Variants in NT5C2 observed in about 807,000 individuals in gnomAD.
The protein encoded by NT5C2 is 5'-nucleotidase, cytosolic II, also known as cytosolic purine 5'-nucleotidase.
Under a neutral mutation model 76.1 loss-of-function variants are expected in NT5C2, and 58 were observed. The ratio of observed to expected loss-of-function variants is 0.76; its 90% CI spans 0.62 to 0.95. The LOEUF is 0.95. Among genes scored for constraint, NT5C2 ranks in the 40% least tolerant of loss-of-function variants. The pLI is 0.00. For synonymous variants in NT5C2, 229 were observed against 237.4 expected, an observed-to-expected ratio of 0.96 and a Z score of 0.32; for missense variants, 478 against 690.3, an observed-to-expected ratio of 0.69 and a Z score of 3.45.
In NT5C2 at chr10:103,095,289, T is replaced by C. The variant is rs17115452; in HGVS notation, c.813+650A>G. 4.2e-3 allele frequency among the ~76,000 whole-genome samples: 633 copies of C among 152,310 alleles called. 20 individuals are homozygous for C. In the East Asian group the frequency reaches 0.075, roughly 18 times the overall value. On this transcript the variant is annotated intron_variant, in intron 12 of 18. Coordinates refer to ENST00000404739, the MANE Select transcript of NT5C2 (RefSeq NM_001351169.2). ...CATTAAAATCATGACTATCCTGAAA[T>C]GGAACCCTGGCATTAACCTTTTAAG...
intron 3 of NT5C2, among the ~76,000 whole-genome samples, chr10:103,160,992 C>G (rs936601819): frequency 6.6e-6 from 1 of 151,802 alleles, no homozygotes; most frequent in Non-Finnish European, 1.5e-5. Context: ...AGCCTGGCGA[C>G]AGCAAGACTC....
intron 4 of NT5C2, among the ~76,000 whole-genome samples, chr10:103,108,109 C>T (rs2071867798): frequency 6.6e-6 from 1 of 151,936 alleles, no homozygotes; most frequent in African/African-American, 2.4e-5. Context: ...GAGCCGAGAC[C>T]GTGCCACTAC....
intron 3 of NT5C2, among the ~76,000 whole-genome samples, chr10:103,162,082 C>T (rs1482132270): frequency 1.3e-5 from 2 of 152,154 alleles, no homozygotes; most frequent in African/African-American, 4.8e-5. Flanking sequence ...GTGGTGCAAT[C>T]TTGGCTCACT....
At chr10:103,094,555 A>G in intron 12 of NT5C2, 100 bp from the exon 13 acceptor site, 1 of 697,998 alleles carries the variant, frequency 1.4e-6, no homozygotes, top group South Asian at 1.6e-5. Context: ...AATACTAAGT[A>G]TAGCCAGAAG....
intron 3 of NT5C2, among the ~76,000 whole-genome samples, chr10:103,153,989 T>C (rs1230359212): frequency 6.6e-6 from 1 of 152,114 alleles, no homozygotes; most frequent in Non-Finnish European, 1.5e-5. Context: ...TTTCAGCTCA[T>C]GTGAAAAGAT....
At chr10:103,178,946 C>CTTTTTTTT (rs371982966) in intron 2 of NT5C2, among the ~76,000 whole-genome samples, 6 of 136,184 alleles carry the variant, frequency 4.4e-5, no homozygotes, top group African/African-American at 1.1e-4. Context: ...TTTCTTTTTT[C>CTTTTTTTT]TTTTTTTCTT....
At chr10:103,091,932 G>A (rs1391743093) in intron 15 of NT5C2, among the ~76,000 whole-genome samples, 1 of 152,170 alleles carries the variant, frequency 6.6e-6, no homozygotes, top group Non-Finnish European at 1.5e-5. Flanking sequence ...GCTGTCTCAG[G>A]TGCAGTCAGC....
At chr10:103,131,323 G>A (rs559402897) in intron 4 of NT5C2, among the ~76,000 whole-genome samples, 1 of 152,300 alleles carries the variant, frequency 6.6e-6, no homozygotes, top group South Asian at 2.1e-4. Context: ...ATGCTAGACA[G>A]ATAGTTTTAT....
At chr10:103,107,942 G>A (rs1451194785) in intron 4 of NT5C2, among the ~76,000 whole-genome samples, 2 of 152,072 alleles carry the variant, frequency 1.3e-5, no homozygotes, top group Non-Finnish European at 2.9e-5. Flanking sequence ...ATCACTTGAG[G>A]TCAGGAGTTC....
At chr10:103,104,547 C>T (rs932161243) in intron 6 of NT5C2, among the ~76,000 whole-genome samples, 10 of 152,196 alleles carry the variant, frequency 6.6e-5, no homozygotes, top group African/African-American at 2.4e-4. Flanking sequence ...TTTCATGGAT[C>T]CTGAACAAAC....
chr10:103,107,541 G>A (rs1367449672), intron 4 of NT5C2, among the ~76,000 whole-genome samples: 1 of 151,956 alleles, frequency 6.6e-6, no homozygotes, highest in Non-Finnish European at 1.5e-5. Context: ...GCCGGGTGTG[G>A]TGGCGCATGC....
At chr10:103,158,185 C>T (rs146892326) in intron 3 of NT5C2, among the ~76,000 whole-genome samples, 6 of 151,458 alleles carry the variant, frequency 4.0e-5, no homozygotes, top group Admixed American at 1.3e-4. Flanking sequence ...TACAATTTAA[C>T]GAAAAAAAGG....
intron 4 of NT5C2, among the ~76,000 whole-genome samples, chr10:103,124,280 A>G (rs2076266667): frequency 6.6e-6 from 1 of 152,064 alleles, no homozygotes; most frequent in African/African-American, 2.4e-5. Flanking sequence ...ACTGGTAAAC[A>G]TGCTCATGGA....
intron 1 of NT5C2, among the ~76,000 whole-genome samples, chr10:103,188,672 G>C (rs1215786172): frequency 6.6e-6 from 1 of 152,158 alleles, no homozygotes; most frequent in Non-Finnish European, 1.5e-5. Context: ...TTTACGATCA[G>C]TTGCCCACAT....
chr10:103,169,354 C>T (rs1224949352), intron 3 of NT5C2: 1 of 152,142 alleles, frequency 6.6e-6, no homozygotes, highest in Non-Finnish European at 1.5e-5. Flanking sequence ...TGGTGGCTCA[C>T]ACTTGTAATC....
At chr10:103,127,430 T>C (rs2076876013) in intron 4 of NT5C2, among the ~76,000 whole-genome samples, 1 of 152,206 alleles carries the variant, frequency 6.6e-6, no homozygotes, top group African/African-American at 2.4e-5. Flanking sequence ...GATAAAGGAA[T>C]CTTCTCTGAA....
chr10:103,116,603 T>C (rs1020207169), intron 4 of NT5C2, among the ~76,000 whole-genome samples: 8 of 140,484 alleles, frequency 5.7e-5, no homozygotes, highest in Non-Finnish European at 1.2e-4. Context: ...TTTTTTTTGC[T>C]CTGCCATCCT....
At chr10:103,157,902 G>C (rs972177846) in intron 3 of NT5C2, among the ~76,000 whole-genome samples, 3 of 151,806 alleles carry the variant, frequency 2.0e-5, no homozygotes, top group Non-Finnish European at 2.9e-5. Flanking sequence ...GGGAAACCCC[G>C]TCTCTACTAA....
intron 3 of NT5C2, chr10:103,153,635 A>C: frequency 1.0e-6 from 1 of 985,440 alleles, no homozygotes; most frequent in Non-Finnish European, 1.2e-6. Context: ...CGTTACTGGC[A>C]AACACAGAAA....
Sources: allele counts gnomAD v4.1 joint callset (sites outside exome capture counted in the v4.1 genomes callset), GRCh38; gene constraint gnomAD v4.1.1; transcripts MANE v1.5; gene names NCBI Gene and HGNC (gene_info 2026-07-23, HGNC 2026-07-21).